KCNIP4: variants seen among roughly 807,000 people sequenced by gnomAD.
KCNIP4 encodes the protein potassium voltage-gated channel interacting protein 4, also known as Kv channel-interacting protein 4.
KCNIP4 carries 12 observed loss-of-function variants against 34.0 expected under a neutral mutation model. The observed-to-expected ratio is 0.35, with a 90% confidence interval of 0.23 to 0.57. KCNIP4 has a LOEUF of 0.57. Ranked by LOEUF, KCNIP4 falls within the 20% of genes least tolerant of loss-of-function variation. The pLI, the probability that KCNIP4 is intolerant of heterozygous loss-of-function variation, is 0.83. For missense variants in KCNIP4, 238 were observed against 311.7 expected, an observed-to-expected ratio of 0.76 and a Z score of 1.78; for synonymous variants, 124 against 102.2, an observed-to-expected ratio of 1.21 and a Z score of -1.29.
intron 3 of KCNIP4, among the ~76,000 whole-genome samples, chr4:20,836,800 C>G (rs1231499209): frequency 6.6e-6 from 1 of 151,976 alleles, no homozygotes; most frequent in African/African-American, 2.4e-5. Context: ...GCTTAGTTGA[C>G]ATATAAAACT....
intron 1 of KCNIP4, among the ~76,000 whole-genome samples, chr4:21,860,674 A>G (rs1288756356): frequency 2.6e-5 from 4 of 152,186 alleles, no homozygotes; most frequent in South Asian, 2.1e-4. Flanking sequence ...CTAAAAAAAA[A>G]AAATCAGATA....
At chr4:21,396,443 C>A (rs1457742543) in intron 1 of KCNIP4, among the ~76,000 whole-genome samples, 1 of 148,036 alleles carries the variant, frequency 6.8e-6, no homozygotes, top group East Asian at 2.1e-4. Context: ...GTAGTCCCAG[C>A]TGCTCAGGAG....
intron 1 of KCNIP4, among the ~76,000 whole-genome samples, chr4:21,430,829 C>A (rs1013145029): frequency 2.2e-5 from 3 of 139,176 alleles, no homozygotes; most frequent in Admixed American, 7.0e-5. Context: ...GCTCTTTTCA[C>A]CCACACTATA....
At chr4:21,915,841 C>T (rs1257916371) in intron 1 of KCNIP4, among the ~76,000 whole-genome samples, 1 of 151,786 alleles carries the variant, frequency 6.6e-6, no homozygotes, top group Non-Finnish European at 1.5e-5. Flanking sequence ...GCTAATGGTG[C>T]TCTCCACCAT....
At chr4:21,130,920 T>G (rs890109153) in intron 1 of KCNIP4, among the ~76,000 whole-genome samples, 2 of 152,144 alleles carry the variant, frequency 1.3e-5, no homozygotes, top group African/African-American at 2.4e-5. Flanking sequence ...TCACTTAATA[T>G]CCCTCTAAAC....
chr4:21,744,588 C>T (rs990128215), intron 1 of KCNIP4, among the ~76,000 whole-genome samples: 15 of 152,172 alleles, frequency 9.9e-5, no homozygotes, highest in Non-Finnish European at 1.5e-5. Flanking sequence ...TCCTGGGACT[C>T]TCAACCCAGC....
chr4:20,948,283 A>C (rs953898060), intron 1 of KCNIP4, among the ~76,000 whole-genome samples: 2 of 152,368 alleles, frequency 1.3e-5, no homozygotes, highest in South Asian at 4.1e-4. Flanking sequence ...AAAGTGCAGC[A>C]AAGCAAAATT....
intron 1 of KCNIP4, among the ~76,000 whole-genome samples, chr4:21,596,789 T>A (rs1742681924): frequency 6.6e-6 from 1 of 152,026 alleles, no homozygotes; most frequent in Admixed American, 6.6e-5. Context: ...AGGATCATAC[T>A]AAACAGTCAC....
chr4:20,850,588 T>C lies in KCNIP4; in HGVS notation c.243A>G (p.Lys81=), dbSNP rs1720905367. 2 of 1,612,830 alleles carry C rather than the reference T, an allele frequency of 1.2e-6. No homozygotes were observed. The highest frequency in any genetic ancestry group is 1.7e-5 in the Admixed American group (1 of 59,964). Reference sequence around the variant, plus strand: ...GGATCTGAAGCTCTTTCTTGGTAAATTTGCTCTGGGCTTCCAGAAGCTCAA... The same window carrying C: ...GGATCTGAAGCTCTTTCTTGGTAAACTTGCTCTGGGCTTCCAGAAGCTCAA... ...EALELLEAQS[K]FTKKELQILY... is the part of the protein sequence containing the mutation. Residue 81 remains lysine (K), a synonymous_variant, in exon 3 of 9, where the codon AAA becomes AAG. Coordinates refer to ENST00000382152, the MANE Select transcript of KCNIP4 (RefSeq NM_025221.6).
At chr4:21,517,137 C>T (rs1205029419) in intron 1 of KCNIP4, among the ~76,000 whole-genome samples, 2 of 152,078 alleles carry the variant, frequency 1.3e-5, no homozygotes, top group African/African-American at 2.4e-5. Context: ...AAAAGTCTAA[C>T]ATAGATAAAG....
At chr4:21,673,524 A>G (rs1178309389) in intron 1 of KCNIP4, among the ~76,000 whole-genome samples, 2 of 152,172 alleles carry the variant, frequency 1.3e-5, no homozygotes, top group African/African-American at 4.8e-5. Context: ...TTAGAATGGC[A>G]TATTTAAAAA....
intron 1 of KCNIP4, among the ~76,000 whole-genome samples, chr4:21,771,523 T>C (rs1475238955): frequency 1.3e-5 from 2 of 152,192 alleles, no homozygotes; most frequent in Non-Finnish European, 2.9e-5. Context: ...AATCTATAAA[T>C]TACTTTGGGC....
intron 1 of KCNIP4, among the ~76,000 whole-genome samples, chr4:21,207,577 A>T (rs908822434): frequency 5.3e-5 from 8 of 152,190 alleles, no homozygotes; most frequent in African/African-American, 1.9e-4. Flanking sequence ...TCTATGGCAC[A>T]TATCTAGACT....
intron 1 of KCNIP4, among the ~76,000 whole-genome samples, chr4:21,069,745 AAAT>A (rs1474960626): frequency 6.6e-6 from 1 of 152,200 alleles, no homozygotes; most frequent in African/African-American, 2.4e-5. Flanking sequence ...TTTTATTTTG[AAAT>A]AATGATAGAT....
At position 20,856,913 on chromosome 4, in the gene KCNIP4, G is replaced by A. The variant is rs527456583; in HGVS notation, c.164-6246C>T. Reference sequence around the variant, plus strand: ...GGATTAAATTCTGGGCCTTTGTATCGGGCAGCAATCTGAGCTGTGCTACAA... The same window carrying A: ...GGATTAAATTCTGGGCCTTTGTATCAGGCAGCAATCTGAGCTGTGCTACAA... On this transcript the variant is annotated intron_variant, in intron 2 of 8. Transcript: ENST00000382152. 7.9e-5 allele frequency among the ~76,000 whole-genome samples: 12 copies of A among 152,138 alleles called. No individual in the cohort carries two copies. In the South Asian group the frequency reaches 1.7e-3, roughly 21 times the overall value.
chr4:21,117,104 G>A (rs905379419), intron 1 of KCNIP4, among the ~76,000 whole-genome samples: 2 of 152,016 alleles, frequency 1.3e-5, no homozygotes, highest in Non-Finnish European at 2.9e-5. Context: ...TTTCACAAAC[G>A]GGGAAAGTGA....
intron 2 of KCNIP4, among the ~76,000 whole-genome samples, chr4:20,861,635 T>C (rs1722206131): frequency 6.6e-6 from 1 of 152,202 alleles, no homozygotes; most frequent in Non-Finnish European, 1.5e-5. Flanking sequence ...ATATTGAAAA[T>C]GAACAGTTCT....
chr4:21,687,222 T>A (rs183043055), intron 1 of KCNIP4, among the ~76,000 whole-genome samples: 46 of 142,460 alleles, frequency 3.2e-4, no homozygotes, highest in Non-Finnish European at 6.4e-4. Flanking sequence ...TAATGCTAGA[T>A]GACGCGTTAG....
rs575505557 is a variant in KCNIP4 at position 20,875,615 on chromosome 4, G to A, written c.163+6993C>T. On this transcript the variant is annotated intron_variant, in intron 2 of 8. Transcript: ENST00000382152. ...TAAATTTACATTTAACATGGGTTAT[G>A]CCTCTGTTCTTCCACAGATTTTCCT... 2.0e-3 allele frequency among the ~76,000 whole-genome samples: 299 copies of A among 152,270 alleles called. 1 individual carries two copies. Among genetic ancestry groups the A allele is most frequent in the Middle Eastern group, 6.8e-3 (2 of 294 alleles).
Sources: allele counts gnomAD v4.1 joint callset (sites outside exome capture counted in the v4.1 genomes callset), GRCh38; gene constraint gnomAD v4.1.1; transcripts MANE v1.5; gene names NCBI Gene and HGNC (gene_info 2026-07-23, HGNC 2026-07-21).